Variants in ABI2 observed in about 807,000 individuals in gnomAD.
ABI2 encodes abelson interactor 2.
Under a neutral mutation model 59.2 loss-of-function variants are expected in ABI2, and 25 were observed. The ratio of observed to expected loss-of-function variants is 0.42; its 90% confidence interval spans 0.31 to 0.59. The LOEUF (loss-of-function observed/expected upper bound fraction) is 0.59, where lower values mean the gene tolerates loss of function less well. Ranked by LOEUF, ABI2 falls within the 20% of genes least tolerant of loss-of-function variation. The pLI is 0.14. For missense variants in ABI2, 545 were observed against 681.8 expected (o/e 0.80, Z 2.23); for synonymous variants, 213 against 235.5 (o/e 0.90, Z 0.87).
intron 9 of ABI2, among the ~76,000 whole-genome samples, chr2:203,404,522 C>T (rs144489019): frequency 4.6e-5 from 7 of 152,222 alleles, no homozygotes; most frequent in African/African-American, 1.4e-4. Flanking sequence ...TTCAGGAGCA[C>T]GGGATTACAG....
At chr2:203,358,983 G>A (rs1055266208) in intron 1 of ABI2, among the ~76,000 whole-genome samples, 1 of 152,184 alleles carries the variant, frequency 6.6e-6, no homozygotes, top group Non-Finnish European at 1.5e-5. Flanking sequence ...CTGCACTTCA[G>A]CCTGGGTGAC....
chr2:203,394,134 C>T lies in ABI2; in HGVS notation c.579-566C>T, dbSNP rs545848841. On this transcript the variant is annotated intron_variant, in intron 5 of 11. Transcript: ENST00000261018. ...TGAAAGTTGAGGGAGAAAGTGAGAA[C>T]GGAAGATGAGATTAAAGTGTGTATT... is the stretch of plus-strand genomic sequence containing the variant. 9.9e-5 allele frequency among the ~76,000 whole-genome samples: 15 copies of T among 152,154 alleles called. 1 individual carries two copies. The South Asian group carries it at 2.9e-3, about 29-fold the overall frequency.
At chr2:203,365,134 T>C (rs575304722) in intron 1 of ABI2, among the ~76,000 whole-genome samples, 18 of 152,328 alleles carry the variant, frequency 1.2e-4, no homozygotes, top group African/African-American at 4.1e-4. Flanking sequence ...AAATCAACTT[T>C]ATTTCCAACA....
At position 203,332,120 on chromosome 2, in the gene ABI2, C is replaced by A. The variant is rs1469961883; in HGVS notation, c.117+3489C>A. 2.0e-5 allele frequency among the ~76,000 whole-genome samples: 3 copies of A among 151,876 alleles called. No homozygotes were observed. The South Asian group carries it at 6.2e-4, about 32-fold the overall frequency. On this transcript the variant is annotated intron_variant, in intron 1 of 11. Transcript: ENST00000261018. ...CCACCGTGCCTGGCCCCCTAAGAGT[C>A]ATTTTTAATAAAAATTTAGATAGTT...
chr2:203,422,056 G>A (rs1402262269), intron 11 of ABI2, among the ~76,000 whole-genome samples: 1 of 151,804 alleles, frequency 6.6e-6, no homozygotes, highest in Non-Finnish European at 1.5e-5. Flanking sequence ...AGCACTTTAA[G>A]AGGCTGAGGC....
intron 3 of ABI2, 77 bp downstream of exon 3, chr2:203,380,461 A>G (rs1246895786): frequency 1.0e-6 from 1 of 981,066 alleles, no homozygotes; most frequent in Admixed American, 3.1e-5. Context: ...TAAGCTTTTT[A>G]TCTGTCTTTC....
chr2:203,413,644 G>A (rs560316346), intron 10 of ABI2, among the ~76,000 whole-genome samples: 2 of 152,190 alleles, frequency 1.3e-5, no homozygotes, highest in East Asian at 1.9e-4. Context: ...TTTTACAGAC[G>A]TGGCAGGACT....
chr2:203,371,496 A>G (rs895374761), intron 2 of ABI2, among the ~76,000 whole-genome samples: 2 of 152,236 alleles, frequency 1.3e-5, no homozygotes, highest in Admixed American at 6.5e-5. Flanking sequence ...CATCATATCT[A>G]TAAGGCAGTA....
At chr2:203,402,366 C>G (rs1234086846) in intron 8 of ABI2, among the ~76,000 whole-genome samples, 4 of 152,166 alleles carry the variant, frequency 2.6e-5, no homozygotes, top group African/African-American at 9.7e-5. Context: ...CATAACTTTC[C>G]AAACTTAATC....
intron 1 of ABI2, among the ~76,000 whole-genome samples, chr2:203,358,108 TG>T (rs1351644359): frequency 4.1e-5 from 6 of 146,084 alleles, no homozygotes; most frequent in Non-Finnish European, 7.6e-5. Context: ...TGTGTGTGTG[TG>T]TGTGTTTGTT....
At chr2:203,425,975 A>G (rs1324234565) in intron 11 of ABI2, among the ~76,000 whole-genome samples, 1 of 151,522 alleles carries the variant, frequency 6.6e-6, no homozygotes, top group African/African-American at 2.4e-5. Flanking sequence ...GAACCGAGAT[A>G]GTGCCACTGC....
chr2:203,338,995 TATATATATATATAA>T (rs2078253628), intron 1 of ABI2, among the ~76,000 whole-genome samples: 2 of 56,708 alleles, frequency 3.5e-5, no homozygotes, highest in African/African-American at 1.4e-4. Context: ...TATATATATA[TATATATATATATAA>T]AGGATTCATA....
intron 11 of ABI2, among the ~76,000 whole-genome samples, chr2:203,423,489 A>G (rs1253295214): frequency 1.3e-5 from 2 of 152,152 alleles, no homozygotes. Context: ...GCAGTGGTGC[A>G]ATCTCGGCTC....
At chr2:203,331,229 G>A (rs2073125777) in intron 1 of ABI2, among the ~76,000 whole-genome samples, 1 of 151,708 alleles carries the variant, frequency 6.6e-6, no homozygotes, top group Non-Finnish European at 1.5e-5. Context: ...CGTGGTGACA[G>A]TGGATTTGTG....
chr2:203,341,215 A>G (rs2079723823), intron 1 of ABI2, among the ~76,000 whole-genome samples: 1 of 152,048 alleles, frequency 6.6e-6, no homozygotes, highest in Non-Finnish European at 1.5e-5. Flanking sequence ...TTTTACGCCT[A>G]CATATTTTCT....
intron 1 of ABI2, among the ~76,000 whole-genome samples, chr2:203,348,045 A>G (rs187828384): frequency 6.6e-6 from 1 of 151,786 alleles, no homozygotes; most frequent in African/African-American, 2.4e-5. Context: ...GTTCGAGACC[A>G]TCTTGGCCAA....
chr2:203,352,897 A>G (rs984436698), intron 1 of ABI2, among the ~76,000 whole-genome samples: 4 of 152,134 alleles, frequency 2.6e-5, no homozygotes, highest in African/African-American at 7.2e-5. Context: ...TACCTTCTCT[A>G]TGTTTAGGTA....
chr2:203,382,318 C>T, intron 4 of ABI2, 112 bp downstream of exon 4: 2 of 925,948 alleles, frequency 2.2e-6, no homozygotes, highest in South Asian at 1.7e-5. Flanking sequence ...TAAATAATTC[C>T]TCCTTTTTGT....
At chr2:203,353,041 C>T (rs576324290) in intron 1 of ABI2, among the ~76,000 whole-genome samples, 5 of 152,236 alleles carry the variant, frequency 3.3e-5, no homozygotes, top group African/African-American at 1.2e-4. Flanking sequence ...TCTAGATTTG[C>T]GAAGTTTACT....
Sources: gnomAD v4.1 joint callset for allele counts (sites outside exome capture counted in the v4.1 genomes callset) on GRCh38, gnomAD v4.1.1 for gene constraint, MANE v1.5 for transcripts, NCBI Gene and HGNC (gene_info 2026-07-23, HGNC 2026-07-21) for gene names.